The following NEK2 variants were observed in gnomAD, a reference collection of about 807,000 sequenced individuals.
The protein encoded by NEK2 is NIMA related kinase 2.
NEK2 carries 28 observed loss-of-function variants against 54.1 expected under a neutral mutation model. The ratio of observed to expected loss-of-function variants is 0.52; its 90% confidence interval spans 0.38 to 0.71. The LOEUF (loss-of-function observed/expected upper bound fraction) is 0.71. Among genes scored for constraint, NEK2 ranks in the 30% least tolerant of loss-of-function variants. NEK2 has a pLI of 0.00. For synonymous variants in NEK2, 176 were observed against 193.1 expected (o/e 0.91, Z 0.73); for missense variants, 407 against 531.5 (o/e 0.77, Z 2.30).
chr1:211,664,054 C>T (rs11119789), intron 7 of NEK2, among the ~76,000 whole-genome samples: 43,124 of 140,214 alleles, frequency 0.31, 6,583 homozygotes, highest in African/African-American at 0.41. Flanking sequence ...AGGTTTTTTT[C>T]TGTCTTTGTT....
At chr1:211,673,795 T>TC in intron 2 of NEK2, 72 bp from the exon 3 acceptor site, 1 of 1,442,828 alleles carries the variant, frequency 6.9e-7, no homozygotes, top group Non-Finnish European at 9.6e-7. Flanking sequence ...ATATAAATTA[T>TC]CCAGTGTACA....
intron 3 of NEK2, among the ~76,000 whole-genome samples, chr1:211,673,263 G>T (rs1443731637): frequency 6.6e-6 from 1 of 151,934 alleles, no homozygotes. Context: ...ACAAAAATTA[G>T]CCAGGCATAG....
intron 7 of NEK2, among the ~76,000 whole-genome samples, chr1:211,664,815 G>A (rs1257849088): frequency 6.6e-6 from 1 of 152,164 alleles, no homozygotes; most frequent in African/African-American, 2.4e-5. Flanking sequence ...TTACTAATGG[G>A]ATAGTTTTAT....
At chr1:211,675,203 G>A (rs1655539694) in intron 1 of NEK2, among the ~76,000 whole-genome samples, 181 bp downstream of exon 1, 6 of 152,236 alleles carry the variant, frequency 3.9e-5, no homozygotes, top group Admixed American at 2.6e-4. Flanking sequence ...ATCAAAAGAA[G>A]CGGTCTCCCA....
At position 211,670,373 on chromosome 1, in the gene NEK2, C is replaced by A. The variant is rs544218144; in HGVS notation, c.673G>T (p.Ala225Ser). The A allele has an allele frequency of 6.2e-7, 1 of 1,613,580 alleles. No individual in the cohort carries two copies. Among genetic ancestry groups the A allele is most frequent in the Middle Eastern group, 1.7e-4 (1 of 6,058 alleles). ...PFTAFSQKELAGKIREGKFRR... is the reference protein window; with the variant it reads ...PFTAFSQKELSGKIREGKFRR... ...AATTTGCCTTCTCTGATTTTCCCAG[C>A]GAGTTCTTTCTGGCTAAAAGCTGTA... The change falls in exon 5 of 8, where the codon GCT (alanine) becomes TCT (serine). Residue 225 changes from alanine (A) to serine (S), a missense_variant. Ala to Ser is a moderately conservative substitution (Grantham distance 99, BLOSUM62 1). Coordinates refer to ENST00000366999, the MANE Select transcript of NEK2 (RefSeq NM_002497.4).
downstream of NEK2, among the ~76,000 whole-genome samples, chr1:211,659,510 G>A (rs940070548): frequency 1.3e-5 from 2 of 152,076 alleles, no homozygotes; most frequent in African/African-American, 4.8e-5. Flanking sequence ...TATTTTCTGT[G>A]TCATGCTTCT....
Position 211,662,783 on chromosome 1 carries a change from T to C in NEK2, c.*643A>G, listed in dbSNP as rs1165018310. On this transcript the variant is annotated 3_prime_UTR_variant, in exon 8 of 8. Transcript: ENST00000366999. This position sits in a 1 kb window ranked among gnomAD's most constrained non-coding sequence, Gnocchi z 4.2. ...GCAAGACACATAACTACAGGGAAACTGAAGAATTCTTTTATTTAGTGGGAA... is the reference window on the plus strand; with the variant it reads ...GCAAGACACATAACTACAGGGAAACCGAAGAATTCTTTTATTTAGTGGGAA... 2.0e-6 allele frequency: 2 copies of C among 985,044 alleles called. No individual in the cohort carries two copies. Among genetic ancestry groups the C allele is most frequent in the Non-Finnish European group, 2.4e-6 (2 of 829,602 alleles). 61.0% of individuals were successfully genotyped at this position (985,044 alleles called of 1,614,324 possible). A position where few individuals can be genotyped will look rare whatever the true frequency, so the allele number is the denominator to read the frequency against.
At chr1:211,670,200 A>G (rs1655327192) in intron 5 of NEK2, 81 bp downstream of exon 5, 1 of 1,335,846 alleles carries the variant, frequency 7.5e-7, no homozygotes, top group Admixed American at 2.2e-5. Context: ...TTCAGTCTCC[A>G]TTGATCTACA....
At chr1:211,661,589 T>C (rs1005284347), downstream of NEK2, among the ~76,000 whole-genome samples, 5 of 152,232 alleles carry the variant, frequency 3.3e-5, no homozygotes, top group African/African-American at 9.6e-5. Context: ...TCATGTATAG[T>C]TGATAAAAAC....
At position 211,663,535 on chromosome 1, in the gene NEK2, C is replaced by T. The variant is rs56102977; in HGVS notation, c.1229G>A (p.Cys410Tyr). 6.2e-7 allele frequency: 1 copy of T among 1,613,986 alleles called. No individual in the cohort carries two copies. Among genetic ancestry groups the T allele is most frequent in the East Asian group, 2.2e-5 (1 of 44,890 alleles). ...SESQLTSKSK[C>Y]KDLKKRLHAA... ...GTGAAGCCTTTTCTTCAGGTCCTTG[C>T]ACTTGGACTTAGATGTGAGCTGACT... Residue 410 changes from cysteine (C) to tyrosine (Y), a missense_variant, in exon 8 of 8, where the codon TGC becomes TAC. Cys to Tyr is a radical substitution (Grantham distance 194). Transcript: ENST00000366999.
In NEK2 at chr1:211,662,830, A is replaced by G; in HGVS notation, c.*596T>C. 1 of 981,392 alleles carries G rather than the reference A, an allele frequency of 1.0e-6. No individual in the cohort carries two copies. Among genetic ancestry groups the G allele is most frequent in the Non-Finnish European group, 1.2e-6 (1 of 827,922 alleles). The allele number at this position is 981,392 out of a possible 1,614,324, so 60.8% of individuals were successfully genotyped here. On this transcript the variant is annotated 3_prime_UTR_variant, in exon 8 of 8. Transcript: ENST00000366999. The surrounding 1 kb of genome is among the most constrained non-coding windows in gnomAD (Gnocchi z 4.2). ...GGAAAGAAGTAGGTAAATGACAGAC[A>G]GCTCATATTCTGTTAAACAGAAAAA...
chr1:211,669,729 T>A, intron 5 of NEK2, among the ~76,000 whole-genome samples: 1 of 152,236 alleles, frequency 6.6e-6, no homozygotes, highest in East Asian at 1.9e-4. Context: ...TTCATCTGTA[T>A]CCTTCTCTGT....
At chr1:211,667,297 A>G in intron 6 of NEK2, 66 bp from the exon 7 acceptor site, 1 of 1,501,432 alleles carries the variant, frequency 6.7e-7, no homozygotes, top group Non-Finnish European at 9.0e-7. Context: ...AACAATTTAC[A>G]TTTGGCAATC....
chr1:211,669,264 C>T lies in NEK2; in HGVS notation c.834G>A (p.Glu278=), dbSNP rs1655284482. The change falls in exon 6 of 8, where the codon GAG becomes GAA. Residue 278 remains glutamate (E), a synonymous_variant. Transcript: ENST00000366999. ...CTCTTCTCTCAAGATTTCTTCTTTG[C>T]TCGTCTGCAACCAAATCTGCTATTA... ...NPLIADLVAD[E]QRRNLERRGR... is the part of the protein sequence containing the mutation. 1.2e-6 allele frequency: 2 copies of T among 1,614,158 alleles called. No homozygotes were observed. The highest frequency in any genetic ancestry group is 4.5e-5 in the East Asian group (2 of 44,886).
At chr1:211,663,677 C>G in intron 7 of NEK2, 25 bp from the exon 8 acceptor site, 1 of 1,603,806 alleles carries the variant, frequency 6.2e-7, no homozygotes, top group Non-Finnish European at 8.5e-7. Context: ...AGAAAAAGGG[C>G]TCTGAGTTAC....
At position 211,673,496 on chromosome 1, in the gene NEK2, T is replaced by C. The variant is rs1279272576; in HGVS notation, c.542A>G (p.Tyr181Cys). Residue 181 changes from tyrosine to cysteine, a missense_variant, in exon 3 of 8, where the codon TAT (tyrosine) becomes TGT (cysteine). Coordinates refer to ENST00000366999, the MANE Select transcript of NEK2 (RefSeq NM_002497.4). ...TGAAATACTTACAGGAGACATGTAA[T>C]AAGGTGTGCCAACAAATGTTTTTGC... ...SFAKTFVGTPYYMSPEQMNRM... is the reference protein window; with the variant it reads ...SFAKTFVGTPCYMSPEQMNRM... The C allele has an allele frequency of 6.2e-7, 1 of 1,613,938 alleles. No individual in the cohort carries two copies. Among genetic ancestry groups the C allele is most frequent in the Non-Finnish European group, 8.5e-7 (1 of 1,179,850 alleles).
chr1:211,664,062 GTT>G (rs10710484), intron 7 of NEK2, among the ~76,000 whole-genome samples: 5,651 of 139,052 alleles, frequency 0.041, 219 homozygotes, highest in East Asian at 0.24. Context: ...TTCTGTCTTT[GTT>G]TTTTTTTTTT....
intron 6 of NEK2, among the ~76,000 whole-genome samples, chr1:211,668,300 A>T (rs1655240850): frequency 6.6e-6 from 1 of 152,218 alleles, no homozygotes; most frequent in Admixed American, 6.5e-5. Flanking sequence ...AAAATGAAGA[A>T]CCTCACTCTG....
intron 3 of NEK2, 22 bp from the exon 4 acceptor site, chr1:211,671,306 G>T: frequency 6.5e-7 from 1 of 1,540,810 alleles, no homozygotes; most frequent in South Asian, 1.1e-5. Flanking sequence ...AAAAGGGTAA[G>T]AAAGTGGAAG....
Sources: gnomAD v4.1 joint callset for allele counts (sites outside exome capture counted in the v4.1 genomes callset) on GRCh38, gnomAD v4.1.1 for gene constraint, Gnocchi (gnomAD v3.1) non-coding constraint, MANE v1.5 for transcripts, NCBI Gene and HGNC (gene_info 2026-07-23, HGNC 2026-07-21) for gene names.